The following DCLK1 variants were observed in gnomAD, a reference collection of about 807,000 sequenced individuals.
DCLK1 encodes serine/threonine-protein kinase DCLK1.
A neutral mutation model predicts 86.2 loss-of-function variants in DCLK1; 16 were observed. The ratio of observed to expected loss-of-function variants is 0.19; its 90% CI spans 0.13 to 0.28. DCLK1 has a LOEUF of 0.28. DCLK1 is among the 10% of genes least tolerant of loss of function. The pLI, the probability that DCLK1 is intolerant of heterozygous loss-of-function variation, is 1.00. For missense variants in DCLK1, 590 were observed against 940.2 expected, an observed-to-expected ratio of 0.63 and a Z score of 4.87; for synonymous variants, 369 against 370.5, an observed-to-expected ratio of 1.00 and a Z score of 0.05.
intron 3 of DCLK1, among the ~76,000 whole-genome samples, chr13:36,003,019 G>A (rs1880787509): frequency 6.6e-6 from 1 of 152,146 alleles, no homozygotes; most frequent in Non-Finnish European, 1.5e-5. Context: ...AGGGATCCCA[G>A]GCAGATCTAG....
At chr13:35,853,057 T>A (rs1180557692) in intron 6 of DCLK1, among the ~76,000 whole-genome samples, 1 of 152,176 alleles carries the variant, frequency 6.6e-6, no homozygotes, top group East Asian at 1.9e-4. Context: ...TGGGTGATGT[T>A]CACAAGAAAA....
intron 4 of DCLK1, among the ~76,000 whole-genome samples, chr13:35,938,883 G>C (rs1876920680): frequency 6.6e-6 from 1 of 152,154 alleles, no homozygotes. Context: ...AAAAAGGAAG[G>C]CCTGTGAGGA....
In DCLK1 at chr13:35,984,668, C is replaced by T. The variant is rs145497624; in HGVS notation, c.724-37211G>A. Reference sequence around the variant, plus strand: ...CAAAGGGAGGGGCAATAATATTCTGCAGAGAGGAGAAATTTTCCATTTTTG... The same window carrying T: ...CAAAGGGAGGGGCAATAATATTCTGTAGAGAGGAGAAATTTTCCATTTTTG... On this transcript the variant is annotated intron_variant, in intron 3 of 16. Transcript: ENST00000360631. 2.5e-3 allele frequency among the ~76,000 whole-genome samples: 388 copies of T among 152,302 alleles called. 3 individuals carry two copies. Among genetic ancestry groups the T allele is most frequent in the African/African-American group, 8.6e-3 (357 of 41,572 alleles).
chr13:35,850,808 A>G, intron 6 of DCLK1: 1 of 1,551,518 alleles, frequency 6.4e-7, no homozygotes, highest in Non-Finnish European at 8.7e-7. Flanking sequence ...AGATTTGTTT[A>G]CTCGGCTTTC....
chr13:36,042,966 C>T (rs1225572458), intron 3 of DCLK1, among the ~76,000 whole-genome samples: 1 of 152,100 alleles, frequency 6.6e-6, no homozygotes, highest in Admixed American at 6.6e-5. Flanking sequence ...TATTTGTTCA[C>T]TCAAATTAAA....
At chr13:36,077,390 G>A (rs75970500) in intron 3 of DCLK1, among the ~76,000 whole-genome samples, 1,952 of 152,188 alleles carry the variant, frequency 0.013, 44 homozygotes, top group African/African-American at 0.045. Flanking sequence ...CCTTCTAGAT[G>A]TCACCTGGTT....
intron 4 of DCLK1, among the ~76,000 whole-genome samples, chr13:35,912,183 C>A (rs1188602532): frequency 6.6e-6 from 1 of 152,076 alleles, no homozygotes; most frequent in Admixed American, 6.5e-5. Flanking sequence ...ATGCAGGGGG[C>A]TCTCAGGCAA....
intron 2 of DCLK1, among the ~76,000 whole-genome samples, chr13:36,123,973 G>A (rs891310043): frequency 2.6e-5 from 4 of 152,076 alleles, no homozygotes; most frequent in African/African-American, 4.8e-5. Context: ...GAGTATCTTC[G>A]GCCACTTCTA....
chr13:35,819,155 A>T (rs968211252), intron 11 of DCLK1, among the ~76,000 whole-genome samples: 1 of 152,192 alleles, frequency 6.6e-6, no homozygotes, highest in African/African-American at 2.4e-5. Context: ...AACCATGTAA[A>T]ATCATGGGCA....
intron 2 of DCLK1, among the ~76,000 whole-genome samples, chr13:36,117,468 C>T (rs1029920112): frequency 1.3e-5 from 2 of 151,840 alleles, no homozygotes; most frequent in African/African-American, 4.8e-5. Context: ...ATACAAGGTG[C>T]TAAAATATAT....
chr13:36,089,022 T>C (rs967065888), intron 3 of DCLK1, among the ~76,000 whole-genome samples: 1 of 152,122 alleles, frequency 6.6e-6, no homozygotes, highest in Non-Finnish European at 1.5e-5. Flanking sequence ...TTATTCTATC[T>C]TTTTTTTAAA....
In DCLK1 at chr13:35,865,606, A is replaced by G. The variant is rs142893194; in HGVS notation, c.940+5618T>C. ...TGTTATCTGTGAGGCCTTGACTCCT[A>G]TGCTTCTTGAGAATAGGGGCTTTCT... On this transcript the variant is annotated intron_variant, in intron 5 of 16. Coordinates refer to ENST00000360631, the MANE Select transcript of DCLK1 (RefSeq NM_001330071.2). Among the ~76,000 whole-genome samples, 335 of 152,314 alleles carry G rather than the reference A, an allele frequency of 2.2e-3. 1 individual carries two copies. The highest frequency in any genetic ancestry group is 7.4e-3 in the African/African-American group (306 of 41,580).
At chr13:35,988,321 C>T (rs1443399337) in intron 3 of DCLK1, among the ~76,000 whole-genome samples, 5 of 152,198 alleles carry the variant, frequency 3.3e-5, no homozygotes, top group African/African-American at 9.6e-5. Context: ...GATGCATGTG[C>T]GAGGTGAGGG....
At chr13:35,840,275 A>G (rs1213503039) in intron 6 of DCLK1, among the ~76,000 whole-genome samples, 1 of 152,228 alleles carries the variant, frequency 6.6e-6, no homozygotes, top group Non-Finnish European at 1.5e-5. Flanking sequence ...AAGAGGTTTG[A>G]TGTAATTTCA....
intron 6 of DCLK1, chr13:35,849,277 A>G (rs1870433788): frequency 1.0e-6 from 1 of 985,378 alleles, no homozygotes; most frequent in Non-Finnish European, 1.2e-6. Flanking sequence ...AGATAAATCA[A>G]TAACATTTAA....
At chr13:35,790,176 G>GA (rs926868330) in intron 16 of DCLK1, among the ~76,000 whole-genome samples, 1 of 151,908 alleles carries the variant, frequency 6.6e-6, no homozygotes, top group Non-Finnish European at 1.5e-5. Flanking sequence ...TGAAGCAGAA[G>GA]AAAAAAATGA....
intron 3 of DCLK1, among the ~76,000 whole-genome samples, chr13:36,023,984 C>T (rs945502521): frequency 6.6e-6 from 1 of 150,724 alleles, no homozygotes; most frequent in Non-Finnish European, 1.5e-5. Flanking sequence ...CAACCTCCGC[C>T]TTCTGGTTTC....
chr13:36,061,436 A>G (rs1239114024), intron 3 of DCLK1, among the ~76,000 whole-genome samples: 2 of 152,226 alleles, frequency 1.3e-5, no homozygotes, highest in African/African-American at 2.4e-5. Flanking sequence ...TTCAAAGCAC[A>G]TAAGTGGTTT....
intron 3 of DCLK1, among the ~76,000 whole-genome samples, chr13:35,980,380 A>T (rs989321170): frequency 6.6e-6 from 1 of 152,134 alleles, no homozygotes; most frequent in African/African-American, 2.4e-5. Context: ...GCTTGAGCCC[A>T]GGAGGTGGGG....
Sources: gnomAD v4.1 joint callset for allele counts (sites outside exome capture counted in the v4.1 genomes callset) on GRCh38, gnomAD v4.1.1 for gene constraint, MANE v1.5 for transcripts, NCBI Gene and HGNC (gene_info 2026-07-23, HGNC 2026-07-21) for gene names.